The following TNIK variants were observed in gnomAD, a reference collection of about 807,000 sequenced individuals.
TNIK encodes TRAF2 and NCK-interacting protein kinase.
TNIK carries 49 observed loss-of-function variants against 191.3 expected under a neutral mutation model. The observed-to-expected ratio is 0.26, with a 90% confidence interval of 0.20 to 0.32. The LOEUF is 0.32. Among genes scored for constraint, TNIK ranks in the 10% least tolerant of loss-of-function variants. The probability of loss-of-function intolerance (pLI) is 1.00; values close to 1 mark genes in which losing one functional copy is unlikely to be tolerated. For synonymous variants in TNIK, 594 were observed against 600.9 expected (o/e 0.99, Z 0.17); for missense variants, 1,155 against 1,702.3 (o/e 0.68, Z 5.66).
At chr3:171,279,507 A>G (rs948462799) in intron 2 of TNIK, among the ~76,000 whole-genome samples, 1 of 152,112 alleles carries the variant, frequency 6.6e-6, no homozygotes, top group African/African-American at 2.4e-5. Flanking sequence ...TTGCCCTCCC[A>G]CTGCAAATAC....
At chr3:171,357,733 C>T (rs946474993) in intron 2 of TNIK, among the ~76,000 whole-genome samples, 4 of 152,184 alleles carry the variant, frequency 2.6e-5, no homozygotes, top group Admixed American at 1.3e-4. Flanking sequence ...TGGGCAGGTG[C>T]TGCCTGAACC....
intron 10 of TNIK, 95 bp from the exon 11 acceptor site, chr3:171,161,431 A>C: frequency 2.7e-6 from 3 of 1,103,148 alleles, no homozygotes; most frequent in Non-Finnish European, 3.9e-6. Context: ...TAGACACCCA[A>C]AGAGTTGTAG....
At chr3:171,302,348 G>T (rs1262718501) in intron 2 of TNIK, among the ~76,000 whole-genome samples, 1 of 152,090 alleles carries the variant, frequency 6.6e-6, no homozygotes, top group African/African-American at 2.4e-5. Flanking sequence ...TCTGTTTAGT[G>T]TATCTATAGA....
At chr3:171,294,219 A>G (rs574929528) in intron 2 of TNIK, among the ~76,000 whole-genome samples, 1 of 147,292 alleles carries the variant, frequency 6.8e-6, no homozygotes, top group East Asian at 2.0e-4. Context: ...ACAGAGTGAG[A>G]CTCTGTCTCA....
At chr3:171,292,603 T>C (rs979869873) in intron 2 of TNIK, among the ~76,000 whole-genome samples, 34 of 152,024 alleles carry the variant, frequency 2.2e-4, no homozygotes, top group African/African-American at 7.7e-4. Context: ...GGTGAAACCC[T>C]GTCTCTACTA....
chr3:171,096,721 T>C (rs57156955), intron 22 of TNIK, among the ~76,000 whole-genome samples: 15,851 of 152,150 alleles, frequency 0.1, 955 homozygotes, highest in Middle Eastern at 0.16. Context: ...TACCACTGCA[T>C]TCAATACACA....
chr3:171,182,901 T>C (rs1736841110), intron 7 of TNIK, among the ~76,000 whole-genome samples: 1 of 152,138 alleles, frequency 6.6e-6, no homozygotes, highest in Non-Finnish European at 1.5e-5. Flanking sequence ...TCTGAGCCCA[T>C]GAAAAGAACT....
At chr3:171,195,553 A>G (rs1738577508) in intron 4 of TNIK, among the ~76,000 whole-genome samples, 1 of 152,210 alleles carries the variant, frequency 6.6e-6, no homozygotes, top group Non-Finnish European at 1.5e-5. Context: ...GTCCAAATCT[A>G]CATTCCTGAT....
chr3:171,438,391 G>A (rs1184183900), intron 1 of TNIK, among the ~76,000 whole-genome samples: 2 of 152,186 alleles, frequency 1.3e-5, no homozygotes, highest in African/African-American at 4.8e-5. Context: ...ACATGAAATT[G>A]TATTTTCACA....
intron 1 of TNIK, among the ~76,000 whole-genome samples, chr3:171,382,745 C>G (rs1331367276): frequency 1.3e-5 from 2 of 152,128 alleles, no homozygotes; most frequent in Admixed American, 1.3e-4. Flanking sequence ...ACTTGGATAG[C>G]TGATGAATGG....
chr3:171,402,694 A>C (rs1010428750), intron 1 of TNIK, among the ~76,000 whole-genome samples: 2 of 152,080 alleles, frequency 1.3e-5, no homozygotes. Flanking sequence ...TAGAAGAGAC[A>C]TGGTACCAGA....
intron 2 of TNIK, among the ~76,000 whole-genome samples, chr3:171,330,410 A>G (rs1389870431): frequency 2.6e-5 from 4 of 152,248 alleles, no homozygotes; most frequent in African/African-American, 9.6e-5. Context: ...CATAAGGCTA[A>G]ACAAAGATTA....
Position 171,407,503 on chromosome 3 carries a change from G to A in TNIK, c.58-37818C>T, listed in dbSNP as rs115906549. 5.9e-3 allele frequency among the ~76,000 whole-genome samples: 901 copies of A among 152,260 alleles called. 9 individuals carry two copies. Among genetic ancestry groups the A allele is most frequent in the African/African-American group, 0.02 (842 of 41,550 alleles). On this transcript the variant is annotated intron_variant, in intron 1 of 32. Transcript: ENST00000436636. ...ATGATGTGTTTTCACTGGGCTCATAGCTCTTTAAACAGACTGAGGGATAAA... is the reference window on the plus strand; with the variant it reads ...ATGATGTGTTTTCACTGGGCTCATAACTCTTTAAACAGACTGAGGGATAAA...
At chr3:171,290,818 T>G (rs899175256) in intron 2 of TNIK, among the ~76,000 whole-genome samples, 2 of 152,172 alleles carry the variant, frequency 1.3e-5, no homozygotes, top group East Asian at 3.8e-4. Context: ...TATAACAGAC[T>G]TTATGGAACG....
chr3:171,361,683 A>G (rs1714996702), intron 2 of TNIK, among the ~76,000 whole-genome samples: 1 of 152,202 alleles, frequency 6.6e-6, no homozygotes, highest in Admixed American at 6.5e-5. Flanking sequence ...GAAGAAGAGA[A>G]ATAACAACAT....
chr3:171,108,852 G>A lies in TNIK; in HGVS notation c.2285-690C>T, dbSNP rs140026217. On this transcript the variant is annotated intron_variant, in intron 19 of 32. Transcript: ENST00000436636. ...CCCTAGGCTGGAGGTACAGAGCAAG[G>A]TCAAGGGGACCCTGACAGCTGCAGA... 3.9e-3 allele frequency among the ~76,000 whole-genome samples: 588 copies of A among 152,252 alleles called. 7 individuals are homozygous for A. The highest frequency in any genetic ancestry group is 0.013 in the African/African-American group (548 of 41,550).
At chr3:171,107,708 G>A (rs1189872172) in intron 20 of TNIK, among the ~76,000 whole-genome samples, 4 of 152,186 alleles carry the variant, frequency 2.6e-5, no homozygotes, top group Admixed American at 1.3e-4. Flanking sequence ...TGGGGAAAGA[G>A]TAGAAGAGAT....
chr3:171,220,589 C>G (rs1230464126), intron 3 of TNIK, among the ~76,000 whole-genome samples: 1 of 152,036 alleles, frequency 6.6e-6, no homozygotes, highest in Non-Finnish European at 1.5e-5. Context: ...CAGAAGGAGA[C>G]CTTGTGTTCC....
chr3:171,437,803 T>A (rs1726210223), intron 1 of TNIK, among the ~76,000 whole-genome samples: 1 of 152,246 alleles, frequency 6.6e-6, no homozygotes, highest in South Asian at 2.1e-4. Context: ...CTTGCTCACA[T>A]GCTTCTTAAA....
Sources: allele counts gnomAD v4.1 joint callset (sites outside exome capture counted in the v4.1 genomes callset), GRCh38; gene constraint gnomAD v4.1.1; transcripts MANE v1.5; gene names NCBI Gene and HGNC (gene_info 2026-07-23, HGNC 2026-07-21).